TNS4: variants seen among roughly 807,000 people sequenced by gnomAD.
TNS4 encodes tensin 4.
Under a neutral mutation model 70.4 loss-of-function variants are expected in TNS4, and 46 were observed. The observed-to-expected ratio is 0.65, with a 90% CI of 0.52 to 0.84. The LOEUF is 0.84. TNS4 is among the 40% of genes least tolerant of loss of function. The pLI, the probability that TNS4 is intolerant of heterozygous loss-of-function variation, is 0.00. For synonymous variants in TNS4, 390 were observed against 366.6 expected (o/e 1.06, Z -0.73); for missense variants, 863 against 907.0 (o/e 0.95, Z 0.62).
chr17:40,493,112 A>G (rs1157992687), intron 2 of TNS4, among the ~76,000 whole-genome samples: 2 of 152,090 alleles, frequency 1.3e-5, no homozygotes, highest in African/African-American at 2.4e-5. Flanking sequence ...GGCTGCAGTG[A>G]GCTATGATCA....
At chr17:40,493,057 C>T (rs1412581162) in intron 2 of TNS4, among the ~76,000 whole-genome samples, 1 of 151,948 alleles carries the variant, frequency 6.6e-6, no homozygotes, top group Non-Finnish European at 1.5e-5. Flanking sequence ...GTCCCAGCTA[C>T]TGGGGATGCT....
chr17:40,497,765 G>A (rs369453016), intron 1 of TNS4, among the ~76,000 whole-genome samples: 12 of 152,310 alleles, frequency 7.9e-5, no homozygotes, highest in East Asian at 1.9e-4. Flanking sequence ...GCCAGATCCC[G>A]TAGGGCCTTG....
In TNS4 at chr17:40,478,566, A is replaced by G. The variant is rs1451838079; in HGVS notation, c.1979+14T>C. 1 of 1,614,000 alleles carries G rather than the reference A, an allele frequency of 6.2e-7. No homozygotes were observed. The highest frequency in any genetic ancestry group is 1.7e-5 in the Admixed American group (1 of 60,004). ...CTGGACAGCCTTCTTAGTTTGGCCC[A>G]GCCTTGAACTTACTTCCGTTGCTCA... On this transcript the variant is annotated intron_variant, in intron 11 of 12. Coordinates refer to ENST00000254051, the MANE Select transcript of TNS4 (RefSeq NM_032865.6).
intron 6 of TNS4, among the ~76,000 whole-genome samples, chr17:40,483,689 C>T (rs971996817): frequency 6.6e-6 from 1 of 152,144 alleles, no homozygotes; most frequent in Non-Finnish European, 1.5e-5. Flanking sequence ...TCTTGCAAGG[C>T]GTCCTTTATA....
At chr17:40,486,749 C>A (rs1018242657) in intron 4 of TNS4, among the ~76,000 whole-genome samples, 2 of 152,182 alleles carry the variant, frequency 1.3e-5, no homozygotes, top group African/African-American at 4.8e-5. Flanking sequence ...CCAGATCCAG[C>A]TCGGATGTCG....
intron 3 of TNS4, 58 bp downstream of exon 3, chr17:40,488,488 G>T (rs1207598697): frequency 7.7e-6 from 11 of 1,422,352 alleles, no homozygotes; most frequent in Non-Finnish European, 1.0e-5. Flanking sequence ...ATTTTAGGGG[G>T]TGCATGCGTG....
intron 6 of TNS4, 113 bp from the exon 7 acceptor site, chr17:40,482,529 A>G: frequency 1.1e-6 from 1 of 905,092 alleles, no homozygotes; most frequent in African/African-American, 1.6e-5. Flanking sequence ...AGATCACTTG[A>G]GGTCAGGAGT....
chr17:40,481,613 G>C (rs2035922618), intron 8 of TNS4, among the ~76,000 whole-genome samples: 2 of 152,176 alleles, frequency 1.3e-5, no homozygotes, highest in South Asian at 2.1e-4. Flanking sequence ...TGATCTGCCC[G>C]CCTTGGCCTC....
chr17:40,484,986 G>A lies in TNS4; in HGVS notation c.1310C>T (p.Pro437Leu), dbSNP rs2035972731. The change falls in exon 5 of 13, where the codon CCC becomes CTC. Residue 437 changes from proline (P) to leucine (L), a missense_variant. Transcript: ENST00000254051. Reference protein sequence around the residue: ...CPEGPARDMQPTMKFVMDTSK... With the variant: ...CPEGPARDMQLTMKFVMDTSK... ...TGTGTCCATCACGAACTTCATGGTG[G>A]GCTGCATGTCCCTGGCGGGACCTGG... 6.2e-7 allele frequency: 1 copy of A among 1,614,070 alleles called. No homozygotes were observed. Among genetic ancestry groups the A allele is most frequent in the African/African-American group, 1.3e-5 (1 of 74,910 alleles).
intron 6 of TNS4, among the ~76,000 whole-genome samples, chr17:40,484,077 C>T (rs542945979): frequency 3.0e-4 from 45 of 152,300 alleles, no homozygotes; most frequent in Non-Finnish European, 4.9e-4. Context: ...CACACATGTG[C>T]GCTGAGCTAG....
At chr17:40,479,592 C>A in intron 10 of TNS4, 82 bp downstream of exon 10, 2 of 1,526,698 alleles carry the variant, frequency 1.3e-6, no homozygotes, top group South Asian at 1.3e-5. Flanking sequence ...TGACCTTCAT[C>A]CCTGATCTGC....
At chr17:40,477,927 G>T in intron 12 of TNS4, 198 bp from the exon 13 acceptor site, 1 of 615,346 alleles carries the variant, frequency 1.6e-6, no homozygotes, top group South Asian at 2.0e-5. Flanking sequence ...AGATTTCTGA[G>T]TTCAAGCTCT....
intron 1 of TNS4, among the ~76,000 whole-genome samples, chr17:40,500,051 T>G (rs1294263009): frequency 6.6e-6 from 1 of 152,184 alleles, no homozygotes; most frequent in Non-Finnish European, 1.5e-5. Context: ...TCAACAGCTC[T>G]CTGAGGAGGG....
chr17:40,496,626 G>C (rs2036149269), intron 1 of TNS4, 106 bp from the exon 2 acceptor site: 2 of 588,778 alleles, frequency 3.4e-6, no homozygotes, highest in Non-Finnish European at 5.7e-6. Flanking sequence ...AAGCATGGAT[G>C]CTGGAGCCAG....
Position 40,480,761 on chromosome 17 carries a change from TC to T in TNS4, c.1679del (p.Gly560GlufsTer28). ...CKLTIPQREL[G>X]GADGASDSTD... ...TAGAGTCCGAGGCCCCATCTGCACCTCCCAGTTCTGAGCCAAGGCAAAGAAA... is the reference window on the plus strand; with the variant it reads ...TAGAGTCCGAGGCCCCATCTGCACCTCCAGTTCTGAGCCAAGGCAAAGAAA... On this transcript the variant is annotated frameshift_variant, in exon 9 of 13. Coordinates refer to ENST00000254051, the MANE Select transcript of TNS4 (RefSeq NM_032865.6). LOFTEE classifies it high-confidence loss of function. The T allele has an allele frequency of 6.2e-7, 1 of 1,602,330 alleles. No individual in the cohort carries two copies. Among genetic ancestry groups the T allele is most frequent in the East Asian group, 2.3e-5 (1 of 43,544 alleles).
At chr17:40,488,993 T>C (rs968212469) in intron 2 of TNS4, 24 bp from the exon 3 acceptor site, 1 of 1,536,086 alleles carries the variant, frequency 6.5e-7, no homozygotes, top group Non-Finnish European at 8.7e-7. Flanking sequence ...AAGCAGAGCA[T>C]TGGTGAAATG....
At chr17:40,500,148 T>A (rs1208227551) in intron 1 of TNS4, among the ~76,000 whole-genome samples, 1 of 152,156 alleles carries the variant, frequency 6.6e-6, no homozygotes, top group Non-Finnish European at 1.5e-5. Flanking sequence ...ACCCAGGTGG[T>A]CTTGCTCCAC....
intron 2 of TNS4, among the ~76,000 whole-genome samples, chr17:40,493,198 T>C (rs1317532076): frequency 6.6e-6 from 1 of 152,050 alleles, no homozygotes; most frequent in East Asian, 1.9e-4. Flanking sequence ...TTAGGGGAAA[T>C]GTCAATATAG....
chr17:40,483,784 C>T (rs1417777215), intron 6 of TNS4, among the ~76,000 whole-genome samples: 2 of 152,224 alleles, frequency 1.3e-5, no homozygotes, highest in Non-Finnish European at 2.9e-5. Context: ...TTCATCCTCC[C>T]TTTATCACTT....
Sources: gnomAD v4.1 joint callset for allele counts (sites outside exome capture counted in the v4.1 genomes callset) on GRCh38, gnomAD v4.1.1 for gene constraint, MANE v1.5 for transcripts, NCBI Gene and HGNC (gene_info 2026-07-23, HGNC 2026-07-21) for gene names.